The following CCDC178 variants were observed in gnomAD, a reference collection of about 807,000 sequenced individuals.
CCDC178 encodes the protein coiled-coil domain containing 178.
CCDC178 carries 126 observed loss-of-function variants against 117.4 expected under a neutral mutation model. The ratio of observed to expected loss-of-function variants is 1.07; its 90% CI spans 0.93 to 1.24. The LOEUF (loss-of-function observed/expected upper bound fraction) is 1.24, where lower values mean the gene tolerates loss of function less well. CCDC178 is among the 50% of genes most tolerant of loss of function. CCDC178 has a pLI of 0.00. For missense variants in CCDC178, 1,030 were observed against 986.9 expected, an observed-to-expected ratio of 1.04 and a Z score of -0.59; for synonymous variants, 283 against 313.4, an observed-to-expected ratio of 0.90 and a Z score of 1.02.
chr18:33,050,409 T>C (rs1007897870), intron 21 of CCDC178, among the ~76,000 whole-genome samples: 1 of 152,184 alleles, frequency 6.6e-6, no homozygotes, highest in Admixed American at 6.5e-5. Context: ...AGACATTTTT[T>C]AAAAATATCA....
intron 20 of CCDC178, among the ~76,000 whole-genome samples, chr18:33,172,765 A>T (rs796661953): frequency 2.6e-5 from 4 of 152,250 alleles, no homozygotes; most frequent in African/African-American, 9.6e-5. Context: ...CTATATTGAA[A>T]TCTATTTAAC....
At chr18:33,266,653 AG>A (rs1664856835) in intron 14 of CCDC178, among the ~76,000 whole-genome samples, 1 of 67,730 alleles carries the variant, frequency 1.5e-5, no homozygotes, top group Non-Finnish European at 2.9e-5. Flanking sequence ...GGGTAGGGGG[AG>A]GGGGGAGGGA....
intron 20 of CCDC178, among the ~76,000 whole-genome samples, chr18:33,160,548 T>C (rs894933665): frequency 1.3e-5 from 2 of 152,166 alleles, no homozygotes; most frequent in African/African-American, 4.8e-5. Context: ...TGTTCTCCTT[T>C]AGTCATAGGA....
intron 21 of CCDC178, among the ~76,000 whole-genome samples, chr18:33,010,093 G>A (rs1381409167): frequency 6.6e-6 from 1 of 152,010 alleles, no homozygotes; most frequent in Non-Finnish European, 1.5e-5. Flanking sequence ...TAGGGTATTG[G>A]GATTTCTAAT....
At chr18:33,206,376 A>C (rs933651682) in intron 20 of CCDC178, among the ~76,000 whole-genome samples, 1 of 152,076 alleles carries the variant, frequency 6.6e-6, no homozygotes, top group African/African-American at 2.4e-5. Context: ...ATAATAAAGA[A>C]AAAAGCTAAA....
At position 33,278,180 on chromosome 18, in the gene CCDC178, T is replaced by C. The variant is rs573555202; in HGVS notation, c.1177-10883A>G. Among the ~76,000 whole-genome samples, 11 of 151,120 alleles carry C rather than the reference T, an allele frequency of 7.3e-5. No individual in the cohort carries two copies. The South Asian group carries it at 2.3e-3, about 32-fold the overall frequency. ...GAAATGTCTTCTTTTTTTTGGACCT[T>C]TGAAACTAAAGAAAGAAATCATGAC... On this transcript the variant is annotated intron_variant, in intron 12 of 22. Coordinates refer to ENST00000383096, the MANE Select transcript of CCDC178 (RefSeq NM_001105528.4).
At chr18:33,142,815 A>C (rs557653727) in intron 20 of CCDC178, among the ~76,000 whole-genome samples, 1 of 152,318 alleles carries the variant, frequency 6.6e-6, no homozygotes, top group African/African-American at 2.4e-5. Flanking sequence ...TATTAGGCTG[A>C]TGCAAAAGTA....
chr18:33,262,491 T>A (rs2059762385), intron 14 of CCDC178, among the ~76,000 whole-genome samples: 1 of 152,180 alleles, frequency 6.6e-6, no homozygotes, highest in African/African-American at 2.4e-5. Context: ...AAAAGGGAAG[T>A]CTGATCATAT....
intron 3 of CCDC178, among the ~76,000 whole-genome samples, chr18:33,408,278 TCA>T (rs1262950661): frequency 4.0e-5 from 6 of 151,890 alleles, no homozygotes; most frequent in Admixed American, 3.9e-4. Flanking sequence ...ATTAAAAGTC[TCA>T]CTTTAAAAAT....
At chr18:33,237,153 C>T (rs967484737) in intron 15 of CCDC178, among the ~76,000 whole-genome samples, 2 of 152,134 alleles carry the variant, frequency 1.3e-5, no homozygotes, top group Non-Finnish European at 2.9e-5. Flanking sequence ...GCCACTGCAC[C>T]TCTGCAGCAA....
intron 21 of CCDC178, among the ~76,000 whole-genome samples, chr18:33,074,409 A>G (rs1372520115): frequency 6.6e-6 from 1 of 152,130 alleles, no homozygotes; most frequent in Admixed American, 6.5e-5. Context: ...GCACCTGTTT[A>G]TATAGACCAA....
At chr18:33,311,079 A>T (rs1356926684) in intron 11 of CCDC178, among the ~76,000 whole-genome samples, 3 of 152,218 alleles carry the variant, frequency 2.0e-5, no homozygotes, top group Admixed American at 6.5e-5. Flanking sequence ...GGGGTTTCAA[A>T]ACCTCATTTG....
At chr18:33,311,572 A>G (rs1044843044) in intron 11 of CCDC178, among the ~76,000 whole-genome samples, 7 of 152,186 alleles carry the variant, frequency 4.6e-5, no homozygotes, top group South Asian at 2.1e-4. Flanking sequence ...GACCACACCA[A>G]TGTGTCTTCT....
chr18:33,364,488 C>T (rs1414841643), intron 6 of CCDC178, among the ~76,000 whole-genome samples: 1 of 151,842 alleles, frequency 6.6e-6, no homozygotes, highest in Non-Finnish European at 1.5e-5. Context: ...TTAAAATGTT[C>T]TTAAAAATAG....
At chr18:33,008,077 G>A (rs927726460) in intron 21 of CCDC178, among the ~76,000 whole-genome samples, 11 of 152,032 alleles carry the variant, frequency 7.2e-5, no homozygotes, top group Non-Finnish European at 1.2e-4. Context: ...ATCAGTGGAC[G>A]AAAACAGAAT....
At chr18:33,046,058 A>C (rs1243794582) in intron 21 of CCDC178, among the ~76,000 whole-genome samples, 1 of 152,176 alleles carries the variant, frequency 6.6e-6, no homozygotes, top group Non-Finnish European at 1.5e-5. Context: ...ACAGAGGGAG[A>C]CTCCATCTCA....
chr18:33,236,358 A>T (rs2059426626), intron 15 of CCDC178, among the ~76,000 whole-genome samples: 1 of 152,198 alleles, frequency 6.6e-6, no homozygotes, highest in Admixed American at 6.5e-5. Flanking sequence ...TGAATTATCT[A>T]AGGAAAATCT....
At chr18:33,290,519 C>T (rs1195958524) in intron 12 of CCDC178, among the ~76,000 whole-genome samples, 4 of 152,018 alleles carry the variant, frequency 2.6e-5, no homozygotes, top group African/African-American at 9.7e-5. Context: ...CCCTATCATA[C>T]AGATTTGATT....
chr18:33,109,205 C>A (rs929001054), intron 20 of CCDC178, among the ~76,000 whole-genome samples: 3 of 151,596 alleles, frequency 2.0e-5, no homozygotes, highest in Admixed American at 2.0e-4. Flanking sequence ...AGAATACTAA[C>A]CCACTATTAC....
Sources: gnomAD v4.1 joint callset for allele counts (sites outside exome capture counted in the v4.1 genomes callset) on GRCh38, gnomAD v4.1.1 for gene constraint, MANE v1.5 for transcripts, NCBI Gene and HGNC (gene_info 2026-07-23, HGNC 2026-07-21) for gene names.